The following SMARCB1 variants were observed in gnomAD, a reference collection of about 807,000 sequenced individuals.
SMARCB1 encodes the protein SWI/SNF-related matrix-associated actin-dependent regulator of chromatin subfamily B member 1.
SMARCB1 carries 5 observed loss-of-function variants against 49.0 expected under a neutral mutation model. The observed-to-expected ratio is 0.10, with a 90% CI of 0.05 to 0.21. The LOEUF (loss-of-function observed/expected upper bound fraction) is 0.21. Ranked by LOEUF, SMARCB1 falls within the 10% of genes least tolerant of loss-of-function variation. The pLI, the probability that SMARCB1 is intolerant of heterozygous loss-of-function variation, is 1.00. For missense variants in SMARCB1, 226 were observed against 509.2 expected (o/e 0.44, Z 5.35); for synonymous variants, 201 against 200.1 (o/e 1.00, Z -0.04).
chr22:23,789,305 C>T (rs1156820832), intron 1 of SMARCB1, among the ~76,000 whole-genome samples: 2 of 152,232 alleles, frequency 1.3e-5, no homozygotes, highest in African/African-American at 4.8e-5. Flanking sequence ...CCAGTAGGCA[C>T]CTGCCTAACT....
At chr22:23,820,487 T>C (rs2030024503) in intron 6 of SMARCB1, among the ~76,000 whole-genome samples, 1 of 152,146 alleles carries the variant, frequency 6.6e-6, no homozygotes, top group Admixed American at 6.5e-5. Context: ...GGCAAGAGAA[T>C]TGCTTGAGCC....
intron 5 of SMARCB1, among the ~76,000 whole-genome samples, chr22:23,810,219 A>T (rs1929780250): frequency 6.7e-6 from 1 of 150,046 alleles, no homozygotes; most frequent in Admixed American, 6.7e-5. Flanking sequence ...CCTTCCCTAA[A>T]AGAGTGGCTA....
At chr22:23,807,646 G>C (rs1199308758) in intron 5 of SMARCB1, among the ~76,000 whole-genome samples, 1 of 151,346 alleles carries the variant, frequency 6.6e-6, no homozygotes, top group Non-Finnish European at 1.5e-5. Context: ...AGCCCAACAT[G>C]ATTAACCCAA....
chr22:23,830,545 C>A (rs745526782), intron 7 of SMARCB1, among the ~76,000 whole-genome samples: 1 of 150,594 alleles, frequency 6.6e-6, no homozygotes, highest in African/African-American at 2.4e-5. Context: ...CAGATAGATA[C>A]ATGATTTGAA....
rs77887174 is a variant in SMARCB1, at chr22:23,822,095, A to G, written c.796-3130A>G. The stretch of plus-strand genomic sequence containing the variant: ...ATCTTTGGAGCCATGGCACATGAGG[A>G]CCATCTCTCTCCTCAGAAAGAGTGC... On this transcript the variant is annotated intron_variant, in intron 6 of 8. Coordinates refer to ENST00000644036, the MANE Select transcript of SMARCB1 (RefSeq NM_003073.5). Among the ~76,000 whole-genome samples the G allele has an allele frequency of 7.5e-3, 1,143 of 152,328 alleles. 11 individuals are homozygous for G. Among genetic ancestry groups the G allele is most frequent in the African/African-American group, 0.025 (1,034 of 41,572 alleles).
At chr22:23,818,375 T>G (rs1216864803) in intron 6 of SMARCB1, 1 of 144,324 alleles carries the variant, frequency 6.9e-6, no homozygotes, top group Non-Finnish European at 1.5e-5. Context: ...CAGGATGGTC[T>G]CGATCTCTGG....
chr22:23,836,291 T>C lies in SMARCB1; in HGVS notation c.*2111T>C. 1.0e-6 allele frequency: 1 copy of C among 985,452 alleles called. No homozygotes were observed. The highest frequency in any genetic ancestry group is 1.2e-6 in the Non-Finnish European group (1 of 829,936). 61.0% of individuals were successfully genotyped at this position (985,452 alleles called of 1,614,324 possible). A position where few individuals can be genotyped will look rare whatever the true frequency, so the allele number is the denominator to read the frequency against. On this transcript the variant is annotated 3_prime_UTR_variant, in exon 9 of 9. Transcript: ENST00000644036. ...GCATCACCAGATGAAAAATGAGGCA[T>C]ACGCCCACCTGTCAGGGTGGCTGAT... is the stretch of plus-strand genomic sequence containing the variant.
At chr22:23,794,907 CAAAAA>C (rs1928643093) in intron 3 of SMARCB1, among the ~76,000 whole-genome samples, 1 of 151,574 alleles carries the variant, frequency 6.6e-6, no homozygotes, top group African/African-American at 2.4e-5. Flanking sequence ...TCAAAAAAAA[CAAAAA>C]CAAAACAAAA....
chr22:23,814,926 C>T (rs1930095044), intron 5 of SMARCB1: 4 of 150,090 alleles, frequency 2.7e-5, no homozygotes, highest in South Asian at 2.1e-4. Context: ...GCCAAGATCA[C>T]GCCGTTGCGC....
intron 5 of SMARCB1, among the ~76,000 whole-genome samples, chr22:23,805,591 C>A (rs988276347): frequency 6.6e-6 from 1 of 152,128 alleles, no homozygotes; most frequent in African/African-American, 2.4e-5. Context: ...CCACAACTTC[C>A]GCCTCCCAGG....
rs2031172040 is a variant in SMARCB1 at position 23,837,513 on chromosome 22, C to A, written c.*3333C>A. 5 of 871,698 alleles carry A rather than the reference C, an allele frequency of 5.7e-6. No homozygotes were observed. Among genetic ancestry groups the A allele is most frequent in the South Asian group, 1.7e-5 (1 of 58,184 alleles). 54.0% of individuals were successfully genotyped at this position (871,698 alleles called of 1,614,324 possible). A position where few individuals can be genotyped will look rare whatever the true frequency, so the allele number is the denominator to read the frequency against. ...GCTGGCTTGAGGGGCTGTAAGAGCA[C>A]AGCAGCTGGGAGGGCAGGAAGATGG... On this transcript the variant is annotated 3_prime_UTR_variant, in exon 9 of 9. Transcript: ENST00000644036.
chr22:23,796,514 CAG>C (rs1265836389), intron 3 of SMARCB1, among the ~76,000 whole-genome samples: 1 of 152,202 alleles, frequency 6.6e-6, no homozygotes, highest in Non-Finnish European at 1.5e-5. Flanking sequence ...GATTATTGTT[CAG>C]AGTGATGTGG....
chr22:23,837,489 C>T lies in SMARCB1; in HGVS notation c.*3309C>T, dbSNP rs1018569250. 16 of 727,886 alleles carry T rather than the reference C, an allele frequency of 2.2e-5. No homozygotes were observed. Among genetic ancestry groups the T allele is most frequent in the Admixed American group, 5.8e-5 (2 of 34,640 alleles). 45.1% of individuals were successfully genotyped at this position (727,886 alleles called of 1,614,324 possible). The stretch of plus-strand genomic sequence containing the variant: ...TGACGATGCAAATTATGTGGGCCGG[C>T]TGGCTTGAGGGGCTGTAAGAGCACA... On this transcript the variant is annotated 3_prime_UTR_variant, in exon 9 of 9. Transcript: ENST00000644036.
intron 6 of SMARCB1, among the ~76,000 whole-genome samples, chr22:23,821,939 G>A (rs1328463944): frequency 2.0e-5 from 3 of 152,048 alleles, no homozygotes; most frequent in Non-Finnish European, 4.4e-5. Context: ...CTGGGCTCAA[G>A]CAACTCTTCC....
At chr22:23,819,931 A>G (rs1254034365) in intron 6 of SMARCB1, among the ~76,000 whole-genome samples, 2 of 151,298 alleles carry the variant, frequency 1.3e-5, no homozygotes, top group Non-Finnish European at 2.9e-5. Flanking sequence ...GATTCAAGCG[A>G]TTTTCCTGCT....
At chr22:23,803,193 AGATG>A in intron 4 of SMARCB1, 98 bp from the exon 5 acceptor site, 1 of 1,506,782 alleles carries the variant, frequency 6.6e-7, no homozygotes, top group Non-Finnish European at 9.2e-7. Context: ...CATCTTCCCC[AGATG>A]GGTTTGCAGA....
At chr22:23,810,781 G>C (rs115039452) in intron 5 of SMARCB1, among the ~76,000 whole-genome samples, 4,459 of 152,156 alleles carry the variant, frequency 0.029, 217 homozygotes, top group African/African-American at 0.1. Flanking sequence ...TGTAATCGCG[G>C]CATTTTGGGA....
At chr22:23,787,392 TG>T (rs1239061128) in intron 1 of SMARCB1, 130 bp downstream of exon 1, 9 of 476,684 alleles carry the variant, frequency 1.9e-5, no homozygotes, top group East Asian at 1.5e-4. Context: ...CTCGGGGCTG[TG>T]GGGCGTGGCC....
At chr22:23,807,928 G>T (rs1311230600) in intron 5 of SMARCB1, among the ~76,000 whole-genome samples, 1 of 148,344 alleles carries the variant, frequency 6.7e-6, no homozygotes, top group Non-Finnish European at 1.5e-5. Context: ...CCGAGTAGCT[G>T]GGACTACAGG....
Sources: gnomAD v4.1 joint callset for allele counts (sites outside exome capture counted in the v4.1 genomes callset) on GRCh38, gnomAD v4.1.1 for gene constraint, MANE v1.5 for transcripts, NCBI Gene and HGNC (gene_info 2026-07-23, HGNC 2026-07-21) for gene names.